KHDC1: variants seen among roughly 807,000 people sequenced by gnomAD.
KHDC1 encodes the protein KH domain containing 1.
In KHDC1, 21 loss-of-function variants were observed where a neutral mutation model predicts 24.7. That is an observed-to-expected ratio of 0.85 (90% CI 0.60 to 1.23). The LOEUF (loss-of-function observed/expected upper bound fraction) is 1.23. Among genes scored for constraint, KHDC1 ranks in the 50% most tolerant of loss-of-function variants. KHDC1 has a pLI of 0.00. For missense variants in KHDC1, 274 were observed against 298.5 expected (o/e 0.92, Z 0.61); for synonymous variants, 98 against 111.7 (o/e 0.88, Z 0.77).
At chr6:73,258,310 G>A (rs966852822) in intron 2 of KHDC1, among the ~76,000 whole-genome samples, 1 of 152,118 alleles carries the variant, frequency 6.6e-6, no homozygotes, top group Non-Finnish European at 1.5e-5. Context: ...AGGTGTGGTG[G>A]CACGCACCTA....
chr6:73,254,119 A>C (rs1355939167), intron 2 of KHDC1, among the ~76,000 whole-genome samples: 1 of 152,170 alleles, frequency 6.6e-6, no homozygotes, highest in African/African-American at 2.4e-5. Context: ...GGCATGGACT[A>C]AGGAGGGCAT....
At chr6:73,302,117 C>T (rs1459337165) in intron 1 of KHDC1, among the ~76,000 whole-genome samples, 4 of 151,802 alleles carry the variant, frequency 2.6e-5, no homozygotes, top group African/African-American at 9.7e-5. Context: ...TGAAACCCCA[C>T]CTCTACTAAA....
chr6:73,264,213 C>T (rs963534121), intron 2 of KHDC1, among the ~76,000 whole-genome samples: 7 of 152,006 alleles, frequency 4.6e-5, no homozygotes, highest in African/African-American at 1.7e-4. Flanking sequence ...CAACTCTGCC[C>T]CCAGGAAGGT....
At chr6:73,309,543 G>T in intron 1 of KHDC1, 1 of 1,509,620 alleles carries the variant, frequency 6.6e-7, no homozygotes, top group Non-Finnish European at 8.9e-7. Flanking sequence ...GGCCCCTAAA[G>T]CCACTCACCT....
intron 1 of KHDC1, among the ~76,000 whole-genome samples, chr6:73,308,218 G>C (rs1009338514): frequency 7.2e-5 from 11 of 151,800 alleles, no homozygotes; most frequent in African/African-American, 2.4e-4. Context: ...GGGACTACAG[G>C]TGCCTGCCAC....
intron 2 of KHDC1, among the ~76,000 whole-genome samples, chr6:73,280,969 G>A (rs73462517): frequency 0.046 from 7,055 of 152,176 alleles, 406 homozygotes; most frequent in African/African-American, 0.13. Flanking sequence ...AACACTTTGG[G>A]AGACCAAGTA....
intron 2 of KHDC1, among the ~76,000 whole-genome samples, chr6:73,258,587 G>A (rs1766924439): frequency 6.6e-6 from 1 of 152,234 alleles, no homozygotes; most frequent in Non-Finnish European, 1.5e-5. Context: ...AGCTCATGCT[G>A]TTAGTAGGAA....
intron 2 of KHDC1, among the ~76,000 whole-genome samples, chr6:73,281,945 C>T (rs2150677491): frequency 6.6e-6 from 1 of 151,652 alleles, no homozygotes; most frequent in East Asian, 2.0e-4. Flanking sequence ...AGGCCAGGTC[C>T]GGTGGCTCAC....
At chr6:73,253,186 T>C (rs1477212125) in intron 2 of KHDC1, among the ~76,000 whole-genome samples, 3 of 152,178 alleles carry the variant, frequency 2.0e-5, no homozygotes, top group Non-Finnish European at 4.4e-5. Flanking sequence ...AAATTTAATA[T>C]TTAATAAAGG....
intron 2 of KHDC1, among the ~76,000 whole-genome samples, chr6:73,271,304 G>T (rs1255351346): frequency 6.6e-5 from 10 of 151,696 alleles, no homozygotes; most frequent in Non-Finnish European, 1.0e-4. Flanking sequence ...TCCGCCCTCT[G>T]GGTCCAAGTG....
chr6:73,293,590 G>C (rs753219402), intron 1 of KHDC1, among the ~76,000 whole-genome samples: 1 of 152,020 alleles, frequency 6.6e-6, no homozygotes, highest in Non-Finnish European at 1.5e-5. Flanking sequence ...GACTAGCCTG[G>C]CCAACATGGC....
intron 1 of KHDC1, among the ~76,000 whole-genome samples, chr6:73,297,192 T>C (rs1767773785): frequency 1.3e-5 from 2 of 152,090 alleles, no homozygotes. Flanking sequence ...TGAGCCATCA[T>C]TACCAGCCTA....
intron 2 of KHDC1, among the ~76,000 whole-genome samples, chr6:73,264,272 C>T (rs1767042335): frequency 6.6e-6 from 1 of 152,090 alleles, no homozygotes; most frequent in Admixed American, 6.6e-5. Flanking sequence ...ATTGAAATCA[C>T]GAAATCATTA....
intron 2 of KHDC1, among the ~76,000 whole-genome samples, chr6:73,244,260 A>G (rs1399427685): frequency 1.3e-5 from 2 of 152,198 alleles, no homozygotes; most frequent in Non-Finnish European, 2.9e-5. Flanking sequence ...ACAAACTGAA[A>G]GGGGTATGGG....
At chr6:73,282,335 A>G (rs1767430279) in intron 2 of KHDC1, among the ~76,000 whole-genome samples, 1 of 152,046 alleles carries the variant, frequency 6.6e-6, no homozygotes, top group African/African-American at 2.4e-5. Context: ...TCATCACATT[A>G]TACCTGAAAC....
chr6:73,279,745 A>T (rs1476970989), intron 2 of KHDC1, among the ~76,000 whole-genome samples: 1 of 151,802 alleles, frequency 6.6e-6, no homozygotes, highest in Non-Finnish European at 1.5e-5. Flanking sequence ...ACACCCAGCT[A>T]ATGTTTATAT....
chr6:73,295,395 C>T (rs115996332), intron 1 of KHDC1, among the ~76,000 whole-genome samples: 2,101 of 152,260 alleles, frequency 0.014, 44 homozygotes, highest in African/African-American at 0.047. Flanking sequence ...TACAGCAATG[C>T]AAGAATGCAC....
At chr6:73,266,478 T>C (rs561965079) in intron 2 of KHDC1, among the ~76,000 whole-genome samples, 4 of 152,354 alleles carry the variant, frequency 2.6e-5, no homozygotes, top group Non-Finnish European at 5.9e-5. Flanking sequence ...GAGTTGACTT[T>C]AAAGTCCTCC....
In KHDC1 at chr6:73,282,842, A is replaced by G. The variant is rs558879113; in HGVS notation, c.206+9156T>C. On this transcript the variant is annotated intron_variant, in intron 2 of 4. Coordinates refer to ENST00000370384, the Ensembl canonical transcript of KHDC1. ...ACACACTGTCCTTCCCCCACCCACC[A>G]TATTATCCTTAAAAACTCTGATCCC... Among the ~76,000 whole-genome samples the G allele has an allele frequency of 5.2e-4, 79 of 152,234 alleles. 1 individual carries two copies. The South Asian group carries it at 0.016, about 30-fold the overall frequency.
Sources: gnomAD v4.1 joint callset for allele counts (sites outside exome capture counted in the v4.1 genomes callset) on GRCh38, gnomAD v4.1.1 for gene constraint, MANE v1.5 for transcripts, NCBI Gene and HGNC (gene_info 2026-07-23, HGNC 2026-07-21) for gene names.